AKR1E2: variants seen among roughly 807,000 people sequenced by gnomAD.
AKR1E2 encodes the protein aldo-keto reductase family 1 member E2.
Under a neutral mutation model 41.9 loss-of-function variants are expected in AKR1E2, and 43 were observed. That is an observed-to-expected ratio of 1.03 (90% CI 0.80 to 1.32). AKR1E2 has a LOEUF of 1.32. Among genes scored for constraint, AKR1E2 ranks in the 40% most tolerant of loss-of-function variants. AKR1E2 has a pLI of 0.00. For missense variants in AKR1E2, 423 were observed against 396.5 expected, an observed-to-expected ratio of 1.07 and a Z score of -0.57; for synonymous variants, 121 against 138.9, an observed-to-expected ratio of 0.87 and a Z score of 0.91.
chr10:4,844,185 C>A (rs975705932), intron 8 of AKR1E2, among the ~76,000 whole-genome samples: 1 of 152,078 alleles, frequency 6.6e-6, no homozygotes, highest in Non-Finnish European at 1.5e-5. Flanking sequence ...TTTCTTCCTT[C>A]TGGTGGGTTC....
At chr10:4,851,768 A>T (rs1834531195), downstream of AKR1E2, among the ~76,000 whole-genome samples, 3 of 152,230 alleles carry the variant, frequency 2.0e-5, no homozygotes, top group South Asian at 6.2e-4. Flanking sequence ...TAGTAAAGTG[A>T]TGTAAGTAGA....
At chr10:4,826,127 G>A (rs1832464708), upstream of AKR1E2, 1 of 415,816 alleles carries the variant, frequency 2.4e-6, no homozygotes, top group Admixed American at 4.4e-5. Flanking sequence ...CAACCAGCCA[G>A]TCAGTGCCCG....
In AKR1E2 at chr10:4,833,222, G is replaced by A. The variant is rs530977546; in HGVS notation, c.208-128G>A. 2.0e-3 allele frequency: 1,446 copies of A among 732,512 alleles called. 29 individuals are homozygous for A. The South Asian group carries it at 0.022, about 11-fold the overall frequency. 45.4% of individuals were successfully genotyped at this position (732,512 alleles called of 1,614,324 possible). On this transcript the variant is annotated intron_variant, in intron 2 of 9. Coordinates refer to ENST00000298375, the MANE Select transcript of AKR1E2 (RefSeq NM_001040177.3). ...CCCTGTCCTCCCATCAGAACTTGCC[G>A]TGTTGTATTTGTGGTCATCTCATCT...
intron 9 of AKR1E2, 34 bp from the exon 10 acceptor site, chr10:4,847,454 G>T: frequency 6.2e-7 from 1 of 1,604,540 alleles, no homozygotes; most frequent in African/African-American, 1.3e-5. Flanking sequence ...ATCATTCTTT[G>T]TTCCTATTTT....
At chr10:4,829,837 T>C (rs528240846) in intron 1 of AKR1E2, among the ~76,000 whole-genome samples, 1 of 152,250 alleles carries the variant, frequency 6.6e-6, no homozygotes, top group Non-Finnish European at 1.5e-5. Flanking sequence ...CTGAAGTTTT[T>C]CAAAGAACTG....
At position 4,842,412 on chromosome 10, in the gene AKR1E2, T is replaced by C. The variant is rs1284668009; in HGVS notation, c.754-9T>C. On this transcript the variant is annotated splice_polypyrimidine_tract_variant and intron_variant, in intron 7 of 9. Coordinates refer to ENST00000298375, the MANE Select transcript of AKR1E2 (RefSeq NM_001040177.3). Reference sequence around the variant, plus strand: ...TTTGTGTGATAGTAGACTTTTTGTTTCCTTGCAGATTTTGATCCGATTTCA... The same window carrying C: ...TTTGTGTGATAGTAGACTTTTTGTTCCCTTGCAGATTTTGATCCGATTTCA... 4 of 1,613,784 alleles carry C rather than the reference T, an allele frequency of 2.5e-6. No individual in the cohort carries two copies. Among genetic ancestry groups the C allele is most frequent in the South Asian group, 1.1e-5 (1 of 91,054 alleles).
chr10:4,835,468 A>T (rs899591490), intron 3 of AKR1E2, among the ~76,000 whole-genome samples: 4 of 152,174 alleles, frequency 2.6e-5, no homozygotes, highest in South Asian at 2.1e-4. Flanking sequence ...ATGAACAGTG[A>T]ACATCAGGCT....
chr10:4,847,057 G>T, intron 8 of AKR1E2, 91 bp from the exon 9 acceptor site: 3 of 1,349,948 alleles, frequency 2.2e-6, no homozygotes, highest in Non-Finnish European at 3.1e-6. Context: ...TGTGTCCCTT[G>T]CAGGTCTAGC....
At chr10:4,845,269 C>T (rs528403281) in intron 8 of AKR1E2, among the ~76,000 whole-genome samples, 5 of 152,308 alleles carry the variant, frequency 3.3e-5, no homozygotes, top group South Asian at 2.1e-4. Flanking sequence ...AAGCACCACG[C>T]GCAGCCCCGA....
At position 4,837,439 on chromosome 10, in the gene AKR1E2, G is replaced by A. The variant is rs1280287122; in HGVS notation, c.460-20G>A. 6.2e-7 allele frequency: 1 copy of A among 1,613,244 alleles called. No homozygotes were observed. Among genetic ancestry groups the A allele is most frequent in the South Asian group, 1.1e-5 (1 of 91,044 alleles). On this transcript the variant is annotated intron_variant, in intron 4 of 9. Transcript: ENST00000298375. ...GCAGTAGACAGAAGCTTCACACCCAGCAGAGTCGTTCTCTTATAGGCCATG... is the reference window on the plus strand; with the variant it reads ...GCAGTAGACAGAAGCTTCACACCCAACAGAGTCGTTCTCTTATAGGCCATG...
At chr10:4,849,462 C>T (rs1834481468), downstream of AKR1E2, among the ~76,000 whole-genome samples, 1 of 152,222 alleles carries the variant, frequency 6.6e-6, no homozygotes, top group Non-Finnish European at 1.5e-5. Context: ...TGAACACATG[C>T]GTGTGTAGGT....
the AKR1E2 span, among the ~76,000 whole-genome samples, chr10:4,872,348 T>C: frequency 6.6e-6 from 1 of 152,214 alleles, no homozygotes; most frequent in Non-Finnish European, 1.5e-5. Context: ...ATTATTACTG[T>C]TCAATGTATG....
the AKR1E2 span, among the ~76,000 whole-genome samples, chr10:4,861,889 A>G: frequency 4.6e-5 from 7 of 151,846 alleles, no homozygotes; most frequent in Non-Finnish European, 1.0e-4. Flanking sequence ...TTGCCTGTTC[A>G]CTCTGATGGT....
At chr10:4,845,839 G>C in intron 8 of AKR1E2, 2 of 470,922 alleles carry the variant, frequency 4.2e-6, no homozygotes, top group South Asian at 1.5e-5. Context: ...AGGCTGACGT[G>C]AGACCTGAGG....
At chr10:4,828,601 T>A (rs980728619) in intron 1 of AKR1E2, among the ~76,000 whole-genome samples, 5 of 152,202 alleles carry the variant, frequency 3.3e-5, no homozygotes, top group African/African-American at 1.2e-4. Flanking sequence ...CATGAGAAAC[T>A]TTATTGGGGT....
intron 8 of AKR1E2, among the ~76,000 whole-genome samples, chr10:4,844,048 G>A (rs111528721): frequency 1.7e-4 from 26 of 152,338 alleles, no homozygotes; most frequent in Non-Finnish European, 2.5e-4. Flanking sequence ...TGGTGTGTCC[G>A]GAATTGGTGG....
chr10:4,836,072 A>C (rs1215683119), intron 4 of AKR1E2, among the ~76,000 whole-genome samples: 1 of 152,004 alleles, frequency 6.6e-6, no homozygotes, highest in Non-Finnish European at 1.5e-5. Flanking sequence ...TCAAATATTT[A>C]TTTATTTTTT....
At chr10:4,855,847 A>G in the AKR1E2 span, among the ~76,000 whole-genome samples, 1 of 152,200 alleles carries the variant, frequency 6.6e-6, no homozygotes, top group African/African-American at 2.4e-5. Context: ...AAATGCTTTA[A>G]GGGCATAAAC....
chr10:4,831,458 A>G (rs771109474), intron 2 of AKR1E2, among the ~76,000 whole-genome samples: 9 of 152,222 alleles, frequency 5.9e-5, no homozygotes, highest in Non-Finnish European at 1.2e-4. Flanking sequence ...AAGGAGGAAC[A>G]AAGGCACGTC....
Sources: allele counts gnomAD v4.1 joint callset (sites outside exome capture counted in the v4.1 genomes callset), GRCh38; gene constraint gnomAD v4.1.1; transcripts MANE v1.5; gene names NCBI Gene and HGNC (gene_info 2026-07-23, HGNC 2026-07-21).